RAB14: variants seen among roughly 807,000 people sequenced by gnomAD.
The protein encoded by RAB14 is ras-related protein Rab-14.
Under a neutral mutation model 31.1 loss-of-function variants are expected in RAB14, and 3 were observed. That is an observed-to-expected ratio of 0.10 (90% CI 0.04 to 0.25). The LOEUF is 0.25. RAB14 is among the 10% of genes least tolerant of loss of function. The pLI is 1.00. For synonymous variants in RAB14, 85 were observed against 84.9 expected, an observed-to-expected ratio of 1.00 and a Z score of 0.00; for missense variants, 111 against 260.1, an observed-to-expected ratio of 0.43 and a Z score of 3.94.
intron 2 of RAB14, 27 bp from the exon 3 acceptor site, chr9:121,192,251 T>C (rs779779078): frequency 4.3e-5 from 67 of 1,549,156 alleles, no homozygotes; most frequent in Middle Eastern, 1.7e-4. Context: ...AAGTTTCAGG[T>C]GGCAATTACA....
Position 121,181,525 on chromosome 9 carries a change from A to G in RAB14, c.519T>C (p.Tyr173=). 6.2e-7 allele frequency: 1 copy of G among 1,613,048 alleles called. No homozygotes were observed. Among genetic ancestry groups the G allele is most frequent in the Non-Finnish European group, 8.5e-7 (1 of 1,179,220 alleles). Residue 173 remains tyrosine, a synonymous_variant, in exon 8 of 8, where the codon TAT becomes TAC. Coordinates refer to ENST00000373840, the MANE Select transcript of RAB14 (RefSeq NM_016322.4). Reference sequence around the variant, plus strand: ...CCAAGCTTCCATCCTGAATGTTCTGATAGATTTTCTTGGCAGCCTCAAGGA... The same window carrying G: ...CCAAGCTTCCATCCTGAATGTTCTGGTAGATTTTCTTGGCAGCCTCAAGGA... ...DAFLEAAKKI[Y]QNIQDGSLDL...
intron 5 of RAB14, among the ~76,000 whole-genome samples, 196 bp downstream of exon 5, chr9:121,186,757 G>A (rs1056622780): frequency 1.3e-5 from 2 of 152,106 alleles, no homozygotes; most frequent in South Asian, 2.1e-4. Flanking sequence ...AAAAACCTAG[G>A]TATAATAAAA....
rs2053625177 is a variant in RAB14 at position 121,180,135 on chromosome 9, A to G, written c.*1261T>C. ...CTTTTACAAAACAATTTATGCCAACATGACATAAAACAGCCCCTCACACTG... is the reference window on the plus strand; with the variant it reads ...CTTTTACAAAACAATTTATGCCAACGTGACATAAAACAGCCCCTCACACTG... On this transcript the variant is annotated 3_prime_UTR_variant, in exon 8 of 8. Transcript: ENST00000373840. 1 of 152,668 alleles carries G rather than the reference A, an allele frequency of 6.6e-6. No homozygotes were observed. Among genetic ancestry groups the G allele is most frequent in the Non-Finnish European group, 1.5e-5 (1 of 68,048 alleles). The allele number at this position is 152,668 out of a possible 1,614,324, so 9.5% of individuals were successfully genotyped here.
At chr9:121,192,621 A>C (rs1226376793) in intron 2 of RAB14, among the ~76,000 whole-genome samples, 1 of 152,132 alleles carries the variant, frequency 6.6e-6, no homozygotes, top group Non-Finnish European at 1.5e-5. Flanking sequence ...AGCAGAAATA[A>C]CAAACTGAGT....
intron 1 of RAB14, among the ~76,000 whole-genome samples, chr9:121,200,243 T>G (rs1017484978): frequency 2.6e-5 from 4 of 152,124 alleles, no homozygotes; most frequent in Non-Finnish European, 5.9e-5. Flanking sequence ...AAGAAAAAAT[T>G]TGGAAAGGCT....
chr9:121,189,176 AGT>A, intron 4 of RAB14, among the ~76,000 whole-genome samples: 1 of 152,152 alleles, frequency 6.6e-6, no homozygotes, highest in East Asian at 1.9e-4. Context: ...GATATATCAC[AGT>A]GTTTATCCAT....
chr9:121,189,698 C>T (rs1286076439), intron 4 of RAB14, among the ~76,000 whole-genome samples: 3 of 152,078 alleles, frequency 2.0e-5, no homozygotes, highest in African/African-American at 4.8e-5. Flanking sequence ...AATATGCTAA[C>T]GCACATTATG....
At chr9:121,189,159 T>C (rs1388873370) in intron 4 of RAB14, among the ~76,000 whole-genome samples, 1 of 152,134 alleles carries the variant, frequency 6.6e-6, no homozygotes, top group East Asian at 1.9e-4. Context: ...TAACATTTCA[T>C]TGTATGGATA....
chr9:121,193,607 TAC>T (rs1205512910), intron 1 of RAB14, among the ~76,000 whole-genome samples, 188 bp from the exon 2 acceptor site: 4 of 152,148 alleles, frequency 2.6e-5, no homozygotes, highest in African/African-American at 9.7e-5. Flanking sequence ...GAATGATGCT[TAC>T]ACATTCTCAT....
chr9:121,188,171 T>C (rs1384223692), intron 4 of RAB14, among the ~76,000 whole-genome samples: 2 of 152,030 alleles, frequency 1.3e-5, no homozygotes, highest in Non-Finnish European at 2.9e-5. Flanking sequence ...CCCAATGTTT[T>C]AGAATTTTCT....
At chr9:121,186,543 T>C (rs1564319447) in intron 5 of RAB14, among the ~76,000 whole-genome samples, 1 of 152,170 alleles carries the variant, frequency 6.6e-6, no homozygotes, top group African/African-American at 2.4e-5. Context: ...CTCCTGTAGT[T>C]GAAATTTTTA....
At chr9:121,193,533 G>GT in intron 1 of RAB14, 114 bp from the exon 2 acceptor site, 2 of 666,520 alleles carry the variant, frequency 3.0e-6, no homozygotes, top group East Asian at 6.2e-5. Context: ...ACAAATGTTG[G>GT]TTACAGTAAG....
chr9:121,181,569 C>G lies in RAB14; in HGVS notation c.475G>C (p.Glu159Gln). 6.2e-7 allele frequency: 1 copy of G among 1,608,478 alleles called. No individual in the cohort carries two copies. Among genetic ancestry groups the G allele is most frequent in the East Asian group, 2.2e-5 (1 of 44,786 alleles). Residue 159 changes from glutamate (E) to glutamine (Q), a missense_variant, in exon 8 of 8, where the codon GAG (glutamate) becomes CAG (glutamine). Transcript: ENST00000373840. ...TCAAGGAAGGCATCTTCTACATTCT[C>G]TCCCCTAAGAGGCAATTGATAACTT... ...LFLEASAKTG[E>Q]NVEDAFLEAA...
intron 2 of RAB14, among the ~76,000 whole-genome samples, chr9:121,192,653 GTCCCTGTCT>G (rs2053693295): frequency 6.6e-6 from 1 of 151,966 alleles, no homozygotes; most frequent in Non-Finnish European, 1.5e-5. Flanking sequence ...GATTCACTAG[GTCCCTGTCT>G]TATACTTCTT....
At chr9:121,190,926 G>A (rs1015298863) in intron 3 of RAB14, among the ~76,000 whole-genome samples, 195 bp from the exon 4 acceptor site, 10 of 152,026 alleles carry the variant, frequency 6.6e-5, no homozygotes, top group African/African-American at 2.2e-4. Context: ...TACTAGAATC[G>A]GGGTCAGCAA....
chr9:121,197,911 T>C (rs945954018), intron 1 of RAB14, among the ~76,000 whole-genome samples: 5 of 152,044 alleles, frequency 3.3e-5, no homozygotes, highest in Non-Finnish European at 5.9e-5. Flanking sequence ...TCCATGTAGT[T>C]TAGAAACCAT....
At chr9:121,183,231 A>AG (rs1008315418) in intron 6 of RAB14, 80 bp downstream of exon 6, 1 of 1,280,890 alleles carries the variant, frequency 7.8e-7, no homozygotes, top group Admixed American at 2.2e-5. Context: ...AAAATGCAAA[A>AG]AAAAACCAAC....
chr9:121,186,283 TC>T (rs1173142945), intron 5 of RAB14, among the ~76,000 whole-genome samples: 3 of 152,150 alleles, frequency 2.0e-5, no homozygotes, highest in Non-Finnish European at 4.4e-5. Context: ...TGCCAGTCCC[TC>T]TATTTCTAAT....
At chr9:121,189,330 C>T (rs1015312377) in intron 4 of RAB14, among the ~76,000 whole-genome samples, 5 of 152,060 alleles carry the variant, frequency 3.3e-5, no homozygotes, top group Non-Finnish European at 2.9e-5. Context: ...GCACACATCA[C>T]CATACTTAAA....
Sources: allele counts gnomAD v4.1 joint callset (sites outside exome capture counted in the v4.1 genomes callset), GRCh38; gene constraint gnomAD v4.1.1; transcripts MANE v1.5; gene names NCBI Gene and HGNC (gene_info 2026-07-23, HGNC 2026-07-21).